Variants in ITPR1 observed in about 807,000 individuals in gnomAD.
ITPR1 encodes the protein inositol 1,4,5-trisphosphate-gated calcium channel ITPR1.
ITPR1 carries 96 observed loss-of-function variants against 318.4 expected under a neutral mutation model. The observed-to-expected ratio is 0.30, with a 90% confidence interval of 0.26 to 0.36. The LOEUF (loss-of-function observed/expected upper bound fraction) is 0.36, where lower values mean the gene tolerates loss of function less well. Among genes scored for constraint, ITPR1 ranks in the 10% least tolerant of loss-of-function variants. The probability of loss-of-function intolerance (pLI) is 1.00; values close to 1 mark genes in which losing one functional copy is unlikely to be tolerated. For missense variants in ITPR1, 2,440 were observed against 3,460.2 expected (o/e 0.71, Z 7.40); for synonymous variants, 1,312 against 1,289.9 (o/e 1.02, Z -0.37).
intron 32 of ITPR1, among the ~76,000 whole-genome samples, chr3:4,692,966 C>T (rs1480796384): frequency 1.3e-5 from 2 of 152,012 alleles, no homozygotes; most frequent in Admixed American, 6.6e-5. Flanking sequence ...ACTAAAAATA[C>T]AAAATTAGCC....
rs911036374 is a variant in ITPR1, at chr3:4,710,481, G to T, written c.4991+8G>T. Reference sequence around the variant, plus strand: ...TGGCGGTTTCATTTGCAAGTAAGCGGCCTCTCTCTCTGGGGTGTTCATTTG... The same window carrying T: ...TGGCGGTTTCATTTGCAAGTAAGCGTCCTCTCTCTCTGGGGTGTTCATTTG... On this transcript the variant is annotated splice_region_variant and intron_variant, in intron 38 of 61. Transcript: ENST00000649015. The surrounding 1 kb of genome is among the most constrained non-coding windows in gnomAD (Gnocchi z 4.2). 1 of 1,552,224 alleles carries T rather than the reference G, an allele frequency of 6.4e-7. No individual in the cohort carries two copies. Among genetic ancestry groups the T allele is most frequent in the Non-Finnish European group, 8.7e-7 (1 of 1,147,188 alleles).
At chr3:4,803,096 G>A (rs535426815) in intron 54 of ITPR1, among the ~76,000 whole-genome samples, 2 of 152,360 alleles carry the variant, frequency 1.3e-5, no homozygotes, top group African/African-American at 4.8e-5. Flanking sequence ...TCATGGCGGA[G>A]TAAAAGCAGC....
intron 54 of ITPR1, among the ~76,000 whole-genome samples, chr3:4,805,856 T>A (rs1298769639): frequency 6.6e-6 from 1 of 152,258 alleles, no homozygotes; most frequent in Non-Finnish European, 1.5e-5. Context: ...AGAGAAATGC[T>A]ACTTGATTAC....
intron 24 of ITPR1, 51 bp from the exon 25 acceptor site, chr3:4,680,502 G>C: frequency 6.4e-7 from 1 of 1,569,626 alleles, no homozygotes. Context: ...GCAGAGTCAA[G>C]ATGGTATGTT....
intron 52 of ITPR1, among the ~76,000 whole-genome samples, chr3:4,788,890 G>T (rs552197725): frequency 1.3e-5 from 2 of 152,184 alleles, no homozygotes; most frequent in Non-Finnish European, 2.9e-5. Context: ...TAGTTGTGAC[G>T]TGTTGAGCTC....
chr3:4,778,031 A>G (rs1387083749), intron 48 of ITPR1, among the ~76,000 whole-genome samples: 1 of 152,170 alleles, frequency 6.6e-6, no homozygotes, highest in African/African-American at 2.4e-5. Context: ...TATTACTCAA[A>G]CAGCTTAACG....
At chr3:4,692,921 G>A (rs761518665) in intron 32 of ITPR1, among the ~76,000 whole-genome samples, 1 of 152,162 alleles carries the variant, frequency 6.6e-6, no homozygotes, top group Non-Finnish European at 1.5e-5. Context: ...GAGAGTTCGA[G>A]ACCAGCCTAG....
At chr3:4,783,398 T>C (rs1276699469) in intron 50 of ITPR1, among the ~76,000 whole-genome samples, 1 of 152,106 alleles carries the variant, frequency 6.6e-6, no homozygotes, top group Non-Finnish European at 1.5e-5. Flanking sequence ...ACAATGATGA[T>C]ATTGGGCCCG....
At chr3:4,545,715 A>T (rs1376149842) in intron 4 of ITPR1, among the ~76,000 whole-genome samples, 1 of 93,306 alleles carries the variant, frequency 1.1e-5, no homozygotes. Context: ...TTTTTTTTTT[A>T]AAGACAGAGT....
At chr3:4,768,970 C>T (rs181612870) in intron 46 of ITPR1, among the ~76,000 whole-genome samples, 10 of 150,608 alleles carry the variant, frequency 6.6e-5, no homozygotes, top group South Asian at 4.2e-4. Context: ...AGTACAGTGG[C>T]GTGATCTTGG....
chr3:4,730,047 A>T (rs973234567), intron 42 of ITPR1, among the ~76,000 whole-genome samples: 5 of 151,124 alleles, frequency 3.3e-5, no homozygotes, highest in African/African-American at 1.2e-4. Context: ...GCAGATTTTA[A>T]TTTTTCTTAA....
Position 4,521,687 on chromosome 3 carries a change from G to A in ITPR1, c.163+593G>A, listed in dbSNP as rs144386577. On this transcript the variant is annotated intron_variant, in intron 4 of 61. Transcript: ENST00000649015. ...AATTCTAGACCAGCCTGGGCAACAT[G>A]GTGAAACACTGTCTCTACTGAAAAT... Among the ~76,000 whole-genome samples, 491 of 152,180 alleles carry A rather than the reference G, an allele frequency of 3.2e-3. 2 individuals carry two copies. Among genetic ancestry groups the A allele is most frequent in the Non-Finnish European group, 5.8e-3 (396 of 68,016 alleles).
chr3:4,681,624 A>AGTATGTGT (rs373511110), intron 26 of ITPR1, among the ~76,000 whole-genome samples: 11,635 of 145,860 alleles, frequency 0.08, 604 homozygotes, highest in South Asian at 0.22. Context: ...AGAGAGAGAA[A>AGTATGTGT]GTGTGTGTGT....
chr3:4,506,638 C>T (rs1347231801), intron 2 of ITPR1, among the ~76,000 whole-genome samples: 1 of 152,106 alleles, frequency 6.6e-6, no homozygotes, highest in Non-Finnish European at 1.5e-5. Flanking sequence ...TGATCTGTAT[C>T]CCCAGTACCT....
At chr3:4,573,741 C>T (rs2088288457) in intron 4 of ITPR1, among the ~76,000 whole-genome samples, 1 of 152,226 alleles carries the variant, frequency 6.6e-6, no homozygotes, top group Admixed American at 6.5e-5. Context: ...TTGCCCTTCA[C>T]AGAGGCCTTT....
At chr3:4,666,974 G>T (rs574766491) in intron 17 of ITPR1, among the ~76,000 whole-genome samples, 1 of 152,214 alleles carries the variant, frequency 6.6e-6, no homozygotes, top group Non-Finnish European at 1.5e-5. Flanking sequence ...AGATCTCCAG[G>T]TAGGCTTTAT....
rs978899665 is a variant in ITPR1 at position 4,733,031 on chromosome 3, G to A, written c.5221-57G>A. On this transcript the variant is annotated intron_variant, in intron 42 of 61. Coordinates refer to ENST00000649015, the MANE Select transcript of ITPR1 (RefSeq NM_001378452.1). ...GTACCCCTGTGTGTTTTGAATATTC[G>A]TCCCTCGGTGATGCATTAAATGCAG... 2.8e-5 allele frequency: 43 copies of A among 1,560,002 alleles called. No homozygotes were observed. In the South Asian group the frequency reaches 3.5e-4, roughly 13 times the overall value.
At chr3:4,706,728 T>C (rs1207516943) in intron 37 of ITPR1, among the ~76,000 whole-genome samples, 1 of 152,144 alleles carries the variant, frequency 6.6e-6, no homozygotes, top group African/African-American at 2.4e-5. Flanking sequence ...TGAACAAGGG[T>C]GGTGATACCT....
intron 55 of ITPR1, among the ~76,000 whole-genome samples, chr3:4,807,811 C>G (rs137984739): frequency 6.6e-6 from 1 of 152,168 alleles, no homozygotes; most frequent in Non-Finnish European, 1.5e-5. Context: ...TAGAGACTTA[C>G]GTCTGTTTCT....
Sources: gnomAD v4.1 joint callset for allele counts (sites outside exome capture counted in the v4.1 genomes callset) on GRCh38, gnomAD v4.1.1 for gene constraint, Gnocchi (gnomAD v3.1) non-coding constraint, MANE v1.5 for transcripts, NCBI Gene and HGNC (gene_info 2026-07-23, HGNC 2026-07-21) for gene names.